The following CSF1 variants were observed in gnomAD, a reference collection of about 807,000 sequenced individuals.
The protein encoded by CSF1 is colony stimulating factor 1.
CSF1 carries 9 observed loss-of-function variants against 48.9 expected under a neutral mutation model. The observed-to-expected ratio is 0.18, with a 90% CI of 0.11 to 0.32. CSF1 has a LOEUF of 0.32. Ranked by LOEUF, CSF1 falls within the 10% of genes least tolerant of loss-of-function variation. The pLI, the probability that CSF1 is intolerant of heterozygous loss-of-function variation, is 1.00. For synonymous variants in CSF1, 305 were observed against 284.1 expected, an observed-to-expected ratio of 1.07 and a Z score of -0.74; for missense variants, 672 against 697.9, an observed-to-expected ratio of 0.96 and a Z score of 0.42.
intron 1 of CSF1, among the ~76,000 whole-genome samples, chr1:109,913,645 G>A (rs1283900664): frequency 6.6e-6 from 1 of 152,224 alleles, no homozygotes; most frequent in Non-Finnish European, 1.5e-5. Context: ...TGGTGCCTCT[G>A]ATTAATCAGC....
chr1:109,917,392 A>G lies in CSF1; in HGVS notation c.325A>G (p.Ile109Val). The G allele has an allele frequency of 3.1e-6, 5 of 1,614,194 alleles. No homozygotes were observed. The highest frequency in any genetic ancestry group is 4.2e-6 in the Non-Finnish European group (5 of 1,180,016). The change falls in exon 4 of 9, where the codon ATT becomes GTT. Residue 109 changes from isoleucine to valine, a missense_variant. Ile to Val is a conservative substitution (Grantham distance 29). Transcript: ENST00000329608. ...FRDNTPNAIA[I>V]VQLQELSLRL... ...AGATAACACCCCCAATGCCATCGCC[A>G]TTGTGCAGCTGCAGGAACTCTCTTT...
Position 109,910,964 on chromosome 1 carries a change from C to CAGCGAGCGAGCG in CSF1, c.-49_-38dup. 1 of 1,150,740 alleles carries CAGCGAGCGAGCG rather than the reference C, an allele frequency of 8.7e-7. No homozygotes were observed. Among genetic ancestry groups the CAGCGAGCGAGCG allele is most frequent in the South Asian group, 3.6e-5 (1 of 27,802 alleles). 71.3% of individuals were successfully genotyped at this position (1,150,740 alleles called of 1,614,324 possible). On this transcript the variant is annotated 5_prime_UTR_variant, in exon 1 of 9. Transcript: ENST00000329608. ...GCCGGGGCGCCCACTCCGCAGCAGCCAGCGAGCGAGCGAGCGAGCGAGGGC... is the reference window on the plus strand; with the variant it reads ...GCCGGGGCGCCCACTCCGCAGCAGCCAGCGAGCGAGCGAGCGAGCGAGCGAGCGAGCGAGGGC...
At chr1:109,917,245 C>T in intron 3 of CSF1, 48 bp from the exon 4 acceptor site, 3 of 1,589,078 alleles carry the variant, frequency 1.9e-6, no homozygotes, top group Non-Finnish European at 2.6e-6. Context: ...GTTGGGGGTT[C>T]CCAGGCCACA....
rs765393611 is a variant in CSF1, at chr1:109,910,883, G to A, written c.-141G>A. The A allele has an allele frequency of 4.3e-6, 2 of 461,090 alleles. No homozygotes were observed. The highest frequency in any genetic ancestry group is 1.5e-4 in the South Asian group (2 of 13,522). The allele number at this position is 461,090 out of a possible 1,614,324, so 28.6% of individuals were successfully genotyped here. On this transcript the variant is annotated 5_prime_UTR_variant, in exon 1 of 9. Coordinates refer to ENST00000329608, the MANE Select transcript of CSF1 (RefSeq NM_000757.6). Reference sequence around the variant, plus strand: ...CCCGGGGAAAGTGAAAGTTTGCCTGGGTCCTCTCGGCGCCAGAGCCGCTCT... The same window carrying A: ...CCCGGGGAAAGTGAAAGTTTGCCTGAGTCCTCTCGGCGCCAGAGCCGCTCT...
Position 109,910,922 on chromosome 1 carries a change from C to A in CSF1, c.-102C>A. The A allele has an allele frequency of 3.4e-6, 3 of 883,602 alleles. No individual in the cohort carries two copies. The highest frequency in any genetic ancestry group is 4.3e-6 in the Non-Finnish European group (3 of 703,874). The allele number at this position is 883,602 out of a possible 1,614,324, so 54.7% of individuals were successfully genotyped here. On this transcript the variant is annotated 5_prime_UTR_variant, in exon 1 of 9. Coordinates refer to ENST00000329608, the MANE Select transcript of CSF1 (RefSeq NM_000757.6). ...CAGAGCCGCTCTCCGCATCCCAGGA[C>A]AGCGGTGCGGCCCTCGGCCGGGGCG...
chr1:109,912,213 G>A (rs1654718987), intron 1 of CSF1, among the ~76,000 whole-genome samples: 1 of 152,098 alleles, frequency 6.6e-6, no homozygotes, highest in South Asian at 2.1e-4. Context: ...AGAAAGACAA[G>A]GGGGCTGTGT....
intron 1 of CSF1, among the ~76,000 whole-genome samples, chr1:109,913,338 A>T (rs1320697024): frequency 1.9e-4 from 29 of 152,266 alleles, no homozygotes; most frequent in Admixed American, 1.9e-3. Flanking sequence ...CAAGCTGGAG[A>T]AAGAAAGCCC....
intron 4 of CSF1, among the ~76,000 whole-genome samples, chr1:109,918,042 G>A (rs1284306868): frequency 6.6e-6 from 1 of 152,200 alleles, no homozygotes. Flanking sequence ...AGAACCTGAA[G>A]GGCTCAAGGA....
rs1361295122 is a variant in CSF1 at position 109,923,484 on chromosome 1, A to G, written c.863A>G (p.Asn288Ser). ...PQPRPSVGAFNPGMEDILDSA... is the reference protein window; with the variant it reads ...PQPRPSVGAFSPGMEDILDSA... ...CCTCGCCCCTCTGTCGGGGCCTTCA[A>G]CCCCGGGATGGAGGATATTCTTGAC... The change falls in exon 6 of 9, where the codon AAC (asparagine) becomes AGC (serine). Residue 288 changes from asparagine to serine, a missense_variant. By Grantham distance (46) the Asn-to-Ser change is conservative (BLOSUM62 1). Coordinates refer to ENST00000329608, the MANE Select transcript of CSF1 (RefSeq NM_000757.6). The G allele has an allele frequency of 1.2e-6, 2 of 1,613,680 alleles. No individual in the cohort carries two copies. The highest frequency in any genetic ancestry group is 1.3e-5 in the African/African-American group (1 of 74,792).
chr1:109,923,824 C>G lies in CSF1; in HGVS notation c.1203C>G (p.Gly401=). ...SALLRDPPEP[G]SPRISSLRPQ... is the part of the protein sequence containing the mutation. ...TGCTCAGAGACCCCCCGGAGCCAGGCTCTCCCAGGATCTCATCACTGCGCC... is the reference window on the plus strand; with the variant it reads ...TGCTCAGAGACCCCCCGGAGCCAGGGTCTCCCAGGATCTCATCACTGCGCC... The change falls in exon 6 of 9, where the codon GGC becomes GGG. Residue 401 remains glycine, a synonymous_variant. Coordinates refer to ENST00000329608, the MANE Select transcript of CSF1 (RefSeq NM_000757.6). The G allele has an allele frequency of 6.2e-7, 1 of 1,612,776 alleles. No homozygotes were observed. Among genetic ancestry groups the G allele is most frequent in the South Asian group, 1.1e-5 (1 of 90,900 alleles).
intron 1 of CSF1, among the ~76,000 whole-genome samples, chr1:109,912,698 T>C (rs539211697): frequency 2.0e-5 from 3 of 152,188 alleles, no homozygotes; most frequent in Non-Finnish European, 2.9e-5. Flanking sequence ...CTTTCATCCA[T>C]ACCATTCACT....
chr1:109,925,158 A>G lies in CSF1; in HGVS notation c.1634A>G (p.Gln545Arg), dbSNP rs767343227. The change falls in exon 8 of 9, where the codon CAG becomes CGG. Residue 545 changes from glutamine (Q) to arginine (R), a missense_variant. By Grantham distance (43) the Gln-to-Arg change is conservative. Coordinates refer to ENST00000329608, the MANE Select transcript of CSF1 (RefSeq NM_000757.6). ...LEQPEGSPLT[Q>R]DDRQVELPV ...TGCTCTGCCTGCAGCCCCCTGACTC[A>G]GGATGACAGACAGGTGGAACTGCCA... The G allele has an allele frequency of 1.9e-6, 3 of 1,613,980 alleles. No individual in the cohort carries two copies. The highest frequency in any genetic ancestry group is 3.3e-5 in the Admixed American group (2 of 60,008).
Position 109,910,884 on chromosome 1 carries a change from G to T in CSF1, c.-140G>T. 2.1e-6 allele frequency: 1 copy of T among 476,220 alleles called. No homozygotes were observed. The highest frequency in any genetic ancestry group is 2.9e-6 in the Non-Finnish European group (1 of 347,302). 29.5% of individuals were successfully genotyped at this position (476,220 alleles called of 1,614,324 possible). Reference sequence around the variant, plus strand: ...CCGGGGAAAGTGAAAGTTTGCCTGGGTCCTCTCGGCGCCAGAGCCGCTCTC... The same window carrying T: ...CCGGGGAAAGTGAAAGTTTGCCTGGTTCCTCTCGGCGCCAGAGCCGCTCTC... On this transcript the variant is annotated 5_prime_UTR_variant, in exon 1 of 9. Coordinates refer to ENST00000329608, the MANE Select transcript of CSF1 (RefSeq NM_000757.6).
At chr1:109,914,950 C>G (rs1654832524) in intron 2 of CSF1, among the ~76,000 whole-genome samples, 1 of 152,252 alleles carries the variant, frequency 6.6e-6, no homozygotes, top group South Asian at 2.1e-4. Context: ...TAATCAGACC[C>G]ATACGTGGTC....
intron 1 of CSF1, among the ~76,000 whole-genome samples, chr1:109,912,706 A>C: frequency 6.6e-6 from 1 of 151,460 alleles, no homozygotes; most frequent in Non-Finnish European, 1.5e-5. Context: ...CATACCATTC[A>C]CTCCAGACCT....
Position 109,910,887 on chromosome 1 carries a change from C to A in CSF1, c.-137C>A. 1 of 520,420 alleles carries A rather than the reference C, an allele frequency of 1.9e-6. No homozygotes were observed. The highest frequency in any genetic ancestry group is 6.9e-5 in the South Asian group (1 of 14,558). 32.2% of individuals were successfully genotyped at this position (520,420 alleles called of 1,614,324 possible). ...GGGAAAGTGAAAGTTTGCCTGGGTC[C>A]TCTCGGCGCCAGAGCCGCTCTCCGC... On this transcript the variant is annotated 5_prime_UTR_variant, in exon 1 of 9. Coordinates refer to ENST00000329608, the MANE Select transcript of CSF1 (RefSeq NM_000757.6).
At chr1:109,919,326 C>A (rs1360877164) in intron 4 of CSF1, among the ~76,000 whole-genome samples, 1 of 152,226 alleles carries the variant, frequency 6.6e-6, no homozygotes, top group African/African-American at 2.4e-5. Context: ...GCAGCCCAAC[C>A]TCCCAGGCTC....
chr1:109,912,520 C>T (rs1049547569), intron 1 of CSF1, among the ~76,000 whole-genome samples: 4 of 152,204 alleles, frequency 2.6e-5, no homozygotes, highest in African/African-American at 9.7e-5. Flanking sequence ...ATGGAGGCCC[C>T]AGGTCCAGGG....
At chr1:109,916,452 A>G (rs1647222695) in intron 3 of CSF1, among the ~76,000 whole-genome samples, 1 of 152,126 alleles carries the variant, frequency 6.6e-6, no homozygotes, top group Non-Finnish European at 1.5e-5. Flanking sequence ...AGGTCTAGCC[A>G]TTCTCCACCA....
Sources: allele counts gnomAD v4.1 joint callset (sites outside exome capture counted in the v4.1 genomes callset), GRCh38; gene constraint gnomAD v4.1.1; transcripts MANE v1.5; gene names NCBI Gene and HGNC (gene_info 2026-07-23, HGNC 2026-07-21).